The following KSR1 variants were observed in gnomAD, a reference collection of about 807,000 sequenced individuals.
The protein encoded by KSR1 is kinase suppressor of ras.
A neutral mutation model predicts 92.9 loss-of-function variants in KSR1; 35 were observed. The ratio of observed to expected loss-of-function variants is 0.38; its 90% CI spans 0.29 to 0.50. The LOEUF (loss-of-function observed/expected upper bound fraction) is 0.50, where lower values mean the gene tolerates loss of function less well. Among genes scored for constraint, KSR1 ranks in the 20% least tolerant of loss-of-function variants. The pLI is 0.94. For synonymous variants in KSR1, 467 were observed against 472.6 expected (o/e 0.99, Z 0.15); for missense variants, 972 against 1,158.5 (o/e 0.84, Z 2.34).
intron 1 of KSR1, among the ~76,000 whole-genome samples, chr17:27,457,927 C>T (rs1013764816): frequency 2.3e-5 from 3 of 129,696 alleles, no homozygotes; most frequent in African/African-American, 5.7e-5. Flanking sequence ...CCCCTTATTG[C>T]TAATTGCCTC....
chr17:27,553,107 G>A (rs2071456572), intron 2 of KSR1, among the ~76,000 whole-genome samples: 1 of 152,166 alleles, frequency 6.6e-6, no homozygotes, highest in South Asian at 2.1e-4. Context: ...CAGGCACCTG[G>A]CCAAGCCCTT....
chr17:27,512,725 A>C (rs1488048965), intron 1 of KSR1, among the ~76,000 whole-genome samples: 3 of 152,228 alleles, frequency 2.0e-5, no homozygotes, highest in Admixed American at 2.0e-4. Context: ...TCCGTCTCCA[A>C]ACAAACAAAA....
At chr17:27,618,370 C>G (rs772216543) in intron 19 of KSR1, among the ~76,000 whole-genome samples, 4 of 152,234 alleles carry the variant, frequency 2.6e-5, no homozygotes, top group African/African-American at 9.6e-5. Context: ...GACCTCTGCT[C>G]TGTCACGAAT....
chr17:27,623,554 T>C lies in KSR1; in HGVS notation c.*162T>C. 1.5e-6 allele frequency: 1 copy of C among 663,328 alleles called. No individual in the cohort carries two copies. The highest frequency in any genetic ancestry group is 2.7e-6 in the Non-Finnish European group (1 of 371,662). The allele number at this position is 663,328 out of a possible 1,614,324, so 41.1% of individuals were successfully genotyped here. The stretch of plus-strand genomic sequence containing the variant: ...TTGGCCATAAACCCCACTCGGGAGA[T>C]GGAGCTGCACCTGCTATTTCTTAAA... On this transcript the variant is annotated 3_prime_UTR_variant, in exon 21 of 21. Transcript: ENST00000644974.
chr17:27,463,270 G>A (rs1283069906), intron 1 of KSR1, among the ~76,000 whole-genome samples: 1 of 152,168 alleles, frequency 6.6e-6, no homozygotes, highest in Non-Finnish European at 1.5e-5. Context: ...AGCACCTTGA[G>A]AGGCTGAGGC....
In KSR1 at chr17:27,592,508, C is replaced by T. The variant is rs1355470678; in HGVS notation, c.1193-12C>T. ...TGTTCCCTGGTGATGGGTTTTCCCT[C>T]TTTTCAAACAGTAACTCGGCTTCGG... On this transcript the variant is annotated splice_polypyrimidine_tract_variant and intron_variant, in intron 8 of 20. Coordinates refer to ENST00000644974, the MANE Select transcript of KSR1 (RefSeq NM_001394583.1). 6.2e-7 allele frequency: 1 copy of T among 1,613,658 alleles called. No individual in the cohort carries two copies. Among genetic ancestry groups the T allele is most frequent in the East Asian group, 2.2e-5 (1 of 44,898 alleles).
intron 18 of KSR1, among the ~76,000 whole-genome samples, chr17:27,616,420 TTTC>T (rs1681800300): frequency 6.6e-6 from 1 of 152,232 alleles, no homozygotes; most frequent in Non-Finnish European, 1.5e-5. Flanking sequence ...TTTCAAGCAC[TTTC>T]TTATTTGTTG....
At chr17:27,490,744 T>C (rs2068797642) in intron 1 of KSR1, among the ~76,000 whole-genome samples, 1 of 152,210 alleles carries the variant, frequency 6.6e-6, no homozygotes, top group Admixed American at 6.5e-5. Context: ...ACCATCATTA[T>C]TGAAATTGAA....
chr17:27,459,644 T>G lies in KSR1; in HGVS notation c.231+2770T>G, dbSNP rs1273443781. 6.6e-6 allele frequency among the ~76,000 whole-genome samples: 1 copy of G among 152,258 alleles called. No homozygotes were observed. Among genetic ancestry groups the G allele is most frequent in the Non-Finnish European group, 1.5e-5 (1 of 68,042 alleles). On this transcript the variant is annotated intron_variant, in intron 1 of 20. Coordinates refer to ENST00000644974, the MANE Select transcript of KSR1 (RefSeq NM_001394583.1). The surrounding 1 kb of genome is among the most constrained non-coding windows in gnomAD (Gnocchi z 4.6). ...GATTCCTGGCTTTTGAAGAAGGATC[T>G]GACCTGGAGGGCTTGGCCTGTGCAA... is the stretch of plus-strand genomic sequence containing the variant.
At chr17:27,493,349 A>G (rs1416076661) in intron 1 of KSR1, among the ~76,000 whole-genome samples, 3 of 152,200 alleles carry the variant, frequency 2.0e-5, no homozygotes, top group Admixed American at 6.5e-5. Flanking sequence ...AGGACCAGGA[A>G]GGGCTCCAAT....
chr17:27,498,689 G>T (rs1303672565), intron 1 of KSR1, among the ~76,000 whole-genome samples: 3 of 152,164 alleles, frequency 2.0e-5, no homozygotes, highest in Admixed American at 6.5e-5. Flanking sequence ...GCTGCCATTA[G>T]AATTTCCTGG....
At chr17:27,484,202 T>C (rs1297366130) in intron 1 of KSR1, among the ~76,000 whole-genome samples, 3 of 152,204 alleles carry the variant, frequency 2.0e-5, no homozygotes, top group Non-Finnish European at 4.4e-5. Context: ...TTCTGTCCTT[T>C]TCACAGATTT....
chr17:27,582,760 G>A lies in KSR1; in HGVS notation c.635G>A (p.Ser212Asn), dbSNP rs1291144862. Residue 212 changes from serine (S) to asparagine (N), a missense_variant, in exon 4 of 21, where the codon AGC becomes AAC. Transcript: ENST00000644974. ...GCCAGCCTGCCCTGGCCCCCAGGGA[G>A]CTCCCAGCTGGGCAGAGCAGGCAAC... Reference protein sequence around the residue: ...SAASLPWPPGSSQLGRAGNSA... With the variant: ...SAASLPWPPGNSQLGRAGNSA... The A allele has an allele frequency of 1.2e-6, 2 of 1,613,706 alleles. No individual in the cohort carries two copies. The highest frequency in any genetic ancestry group is 1.7e-6 in the Non-Finnish European group (2 of 1,179,836).
intron 1 of KSR1, among the ~76,000 whole-genome samples, chr17:27,548,132 A>G (rs1310672661): frequency 2.6e-5 from 4 of 151,018 alleles, no homozygotes; most frequent in Non-Finnish European, 5.9e-5. Context: ...GCGATGGCTC[A>G]CGCCTGTAAT....
chr17:27,500,822 T>G (rs1200571231), intron 1 of KSR1, among the ~76,000 whole-genome samples: 1 of 152,172 alleles, frequency 6.6e-6, no homozygotes, highest in East Asian at 1.9e-4. Flanking sequence ...CAAAGGGTGC[T>G]GCTGGGTCCG....
Position 27,609,340 on chromosome 17 carries a change from C to A in KSR1, c.2225+11C>A. Reference sequence around the variant, plus strand: ...GGTCCGAGAGGGACGGTGAGTTGGTCTTGAGTGTCTGGGTGGGTTGTGGGT... The same window carrying A: ...GGTCCGAGAGGGACGGTGAGTTGGTATTGAGTGTCTGGGTGGGTTGTGGGT... On this transcript the variant is annotated intron_variant, in intron 16 of 20. Coordinates refer to ENST00000644974, the MANE Select transcript of KSR1 (RefSeq NM_001394583.1). The A allele has an allele frequency of 6.2e-7, 1 of 1,613,622 alleles. No individual in the cohort carries two copies. The highest frequency in any genetic ancestry group is 1.7e-5 in the Admixed American group (1 of 60,014).
At chr17:27,566,566 A>T (rs894351829) in intron 2 of KSR1, 7 of 398,952 alleles carry the variant, frequency 1.8e-5, no homozygotes, top group Non-Finnish European at 2.7e-5. Context: ...GGGCTGGAGG[A>T]TTATGAGGTA....
chr17:27,611,556 C>G lies in KSR1; in HGVS notation c.2420C>G (p.Ser807Cys), dbSNP rs755536851. The G allele has an allele frequency of 6.2e-7, 1 of 1,613,874 alleles. No homozygotes were observed. The highest frequency in any genetic ancestry group is 8.5e-7 in the Non-Finnish European group (1 of 1,179,792). Residue 807 changes from serine (S) to cysteine (C), a missense_variant, in exon 18 of 21, where the codon TCC (serine) becomes TGC (cysteine). Physicochemically the swap from Ser to Cys is moderately radical, Grantham distance 112. This residue lies in a region of KSR1 where 260 missense variants were observed against 375.2 expected (regional missense o/e 0.69). Coordinates refer to ENST00000644974, the MANE Select transcript of KSR1 (RefSeq NM_001394583.1). ...TTGAAGAACCAGGCTGCAGAGGCAT[C>G]CATCTGGCAGATTGGAAGCGGGGAA... ...WPLKNQAAEA[S>C]IWQIGSGEGM...
At chr17:27,507,090 G>C (rs1027857706) in intron 1 of KSR1, among the ~76,000 whole-genome samples, 2 of 152,226 alleles carry the variant, frequency 1.3e-5, no homozygotes, top group Admixed American at 1.3e-4. Context: ...GGGGTGTGCA[G>C]TGTAAAAATG....
Sources: allele counts gnomAD v4.1 joint callset (sites outside exome capture counted in the v4.1 genomes callset), GRCh38; gene constraint gnomAD v4.1.1; regional missense constraint gnomAD v4.1.1; non-coding constraint Gnocchi (gnomAD v3.1); transcripts MANE v1.5; gene names NCBI Gene and HGNC (gene_info 2026-07-23, HGNC 2026-07-21).